Variants in PDE1C observed in about 807,000 individuals in gnomAD.
The protein encoded by PDE1C is phosphodiesterase 1C.
In PDE1C, 62 loss-of-function variants were observed where a neutral mutation model predicts 93.1. That is an observed-to-expected ratio of 0.67 (90% CI 0.54 to 0.82). The LOEUF (loss-of-function observed/expected upper bound fraction) is 0.82, where lower values mean the gene tolerates loss of function less well. Ranked by LOEUF, PDE1C falls within the 40% of genes least tolerant of loss-of-function variation. The pLI is 0.00. For missense variants in PDE1C, 742 were observed against 884.6 expected, an observed-to-expected ratio of 0.84 and a Z score of 2.04; for synonymous variants, 325 against 310.1, an observed-to-expected ratio of 1.05 and a Z score of -0.50.
intron 1 of PDE1C, among the ~76,000 whole-genome samples, chr7:32,263,079 G>A (rs1220221618): frequency 6.6e-6 from 1 of 152,206 alleles, no homozygotes; most frequent in South Asian, 2.1e-4. Context: ...AGGATCTCCC[G>A]GAATGTGTTC....
chr7:32,225,597 C>T lies in PDE1C; in HGVS notation c.86-16058G>A, dbSNP rs147597026. Among the ~76,000 whole-genome samples the T allele has an allele frequency of 3.3e-5, 5 of 152,180 alleles. No individual in the cohort carries two copies. In the South Asian group the frequency reaches 1.0e-3, roughly 32 times the overall value. ...GAGGAAATTAAATTTAAGCTCACAACGAGAATTCAAAAATATACTGCCCTT... is the reference window on the plus strand; with the variant it reads ...GAGGAAATTAAATTTAAGCTCACAATGAGAATTCAAAAATATACTGCCCTT... On this transcript the variant is annotated intron_variant, in intron 1 of 18. Transcript: ENST00000396193.
intron 1 of PDE1C, among the ~76,000 whole-genome samples, chr7:32,260,511 TCCATGGAGGGCAGC>T (rs1810122494): frequency 6.6e-6 from 1 of 152,134 alleles, no homozygotes; most frequent in Middle Eastern, 3.2e-3. Context: ...GAGGGGTCAG[TCCATGGAGGGCAGC>T]CCTCTGTGGG....
At chr7:31,639,544 T>G in the PDE1C span, among the ~76,000 whole-genome samples, 943 of 135,130 alleles carry the variant, frequency 7.0e-3, 20 homozygotes, top group East Asian at 0.038. Flanking sequence ...TTTTGTTTTT[T>G]TTTTTTTTTT....
chr7:32,177,995 G>A lies in PDE1C; in HGVS notation c.137-8039C>T, dbSNP rs75297010. Among the ~76,000 whole-genome samples the A allele has an allele frequency of 5.8e-3, 877 of 152,298 alleles. 4 individuals are homozygous for A. Among genetic ancestry groups the A allele is most frequent in the Middle Eastern group, 0.014 (4 of 294 alleles). ...TATCTGCAGGCTCTCATCCCCCATG[G>A]TCAAAGGTAACTCCACAGGGAATTA... On this transcript the variant is annotated intron_variant, in intron 2 of 18. Coordinates refer to the PDE1C transcript ENST00000396193.
intron 2 of PDE1C, among the ~76,000 whole-genome samples, chr7:31,967,966 A>G (rs1810293795): frequency 6.6e-6 from 1 of 152,240 alleles, no homozygotes; most frequent in Non-Finnish European, 1.5e-5. Flanking sequence ...TCTCAAAATA[A>G]TAAGAGCTGT....
chr7:32,270,382 T>C (rs1303740340), intron 1 of PDE1C, among the ~76,000 whole-genome samples: 1 of 152,048 alleles, frequency 6.6e-6, no homozygotes, highest in Non-Finnish European at 1.5e-5. Flanking sequence ...AAGAAAATGC[T>C]TTTTCTCTAG....
chr7:32,206,146 A>G (rs1805482976), intron 2 of PDE1C, among the ~76,000 whole-genome samples: 2 of 152,256 alleles, frequency 1.3e-5, no homozygotes, highest in South Asian at 2.1e-4. Context: ...CTTGACCCCC[A>G]GAGCTTACAT....
chr7:32,388,835 G>A (rs1475304074), intron 1 of PDE1C, among the ~76,000 whole-genome samples: 2 of 152,038 alleles, frequency 1.3e-5, no homozygotes, highest in Non-Finnish European at 2.9e-5. Context: ...AAAGGGGAGG[G>A]GGAAACCGTC....
At chr7:31,863,853 A>G (rs1794962340) in intron 7 of PDE1C, among the ~76,000 whole-genome samples, 1 of 152,172 alleles carries the variant, frequency 6.6e-6, no homozygotes, top group African/African-American at 2.4e-5. Flanking sequence ...AGGTCACAAT[A>G]TCTAGTAAGC....
At chr7:32,056,348 C>CTT (rs1794081716) in intron 1 of PDE1C, among the ~76,000 whole-genome samples, 1 of 133,218 alleles carries the variant, frequency 7.5e-6, no homozygotes, top group Non-Finnish European at 1.6e-5. Flanking sequence ...CTCTCTCTCT[C>CTT]TCTCTCTCTC....
intron 7 of PDE1C, among the ~76,000 whole-genome samples, chr7:31,863,884 C>T (rs977591507): frequency 3.3e-5 from 5 of 152,084 alleles, no homozygotes; most frequent in Non-Finnish European, 7.3e-5. Flanking sequence ...GGATTTATAG[C>T]CACTGTATCT....
chr7:32,334,602 C>G (rs1320175157), intron 1 of PDE1C, among the ~76,000 whole-genome samples: 1 of 145,696 alleles, frequency 6.9e-6, no homozygotes, highest in Non-Finnish European at 1.5e-5. Flanking sequence ...CCCTCCCCCC[C>G]CATGTCCCCA....
intron 9 of PDE1C, among the ~76,000 whole-genome samples, chr7:31,841,217 C>CTG (rs1445927316): frequency 1.9e-5 from 2 of 105,444 alleles, no homozygotes; most frequent in Non-Finnish European, 3.7e-5. Flanking sequence ...CTGTCTCTCT[C>CTG]TCTCTCTCTC....
rs761582012 is a variant in PDE1C, at chr7:31,815,906, C to T, written c.1813+18G>A. The T allele has an allele frequency of 1.9e-6, 3 of 1,539,960 alleles. No homozygotes were observed. Among genetic ancestry groups the T allele is most frequent in the Non-Finnish European group, 2.7e-6 (3 of 1,112,712 alleles). On this transcript the variant is annotated intron_variant, in intron 15 of 17. Transcript: ENST00000396191. ...TAATGCCGCGAAAAGAGCCCTTCAC[C>T]AGTGTAAGTCTACTCACCATTCTGT... is the stretch of plus-strand genomic sequence containing the variant.
chr7:32,141,702 T>G (rs535116185), intron 3 of PDE1C, among the ~76,000 whole-genome samples: 1 of 152,346 alleles, frequency 6.6e-6, no homozygotes, highest in African/African-American at 2.4e-5. Context: ...TGTGGTACCC[T>G]GGATGGGATC....
chr7:32,210,561 C>T (rs528631356), intron 1 of PDE1C, among the ~76,000 whole-genome samples: 1 of 152,268 alleles, frequency 6.6e-6, no homozygotes, highest in Admixed American at 6.5e-5. Flanking sequence ...ATTTATTCCA[C>T]CCTCTCACAA....
chr7:32,333,271 T>C (rs1265789837), intron 1 of PDE1C, among the ~76,000 whole-genome samples: 2 of 152,228 alleles, frequency 1.3e-5, no homozygotes, highest in Admixed American at 1.3e-4. Context: ...CCATGATATG[T>C]TGTTATCACA....
At chr7:32,298,507 T>A in intron 1 of PDE1C, 1 of 1,003,008 alleles carries the variant, frequency 1.0e-6, no homozygotes, top group Non-Finnish European at 1.4e-6. Context: ...CAGTCGCCGC[T>A]CCCGGGGGCT....
intron 1 of PDE1C, among the ~76,000 whole-genome samples, chr7:32,309,897 C>T (rs2128904285): frequency 6.6e-6 from 1 of 152,208 alleles, no homozygotes; most frequent in African/African-American, 2.4e-5. Context: ...ACACACATAA[C>T]AATGTTAACT....
Sources: gnomAD v4.1 joint callset for allele counts (sites outside exome capture counted in the v4.1 genomes callset) on GRCh38, gnomAD v4.1.1 for gene constraint, MANE v1.5 for transcripts, NCBI Gene and HGNC (gene_info 2026-07-23, HGNC 2026-07-21) for gene names.